Variants in SUMF1 observed in about 807,000 individuals in gnomAD.
SUMF1 encodes sulfatase modifying factor 1, also known as formylglycine-generating enzyme.
Under a neutral mutation model 47.6 loss-of-function variants are expected in SUMF1, and 48 were observed. The ratio of observed to expected loss-of-function variants is 1.01; its 90% confidence interval spans 0.80 to 1.28. The LOEUF (loss-of-function observed/expected upper bound fraction) is 1.28. SUMF1 is among the 50% of genes most tolerant of loss of function. The pLI, the probability that SUMF1 is intolerant of heterozygous loss-of-function variation, is 0.00. For missense variants in SUMF1, 571 were observed against 485.4 expected (o/e 1.18, Z -1.66); for synonymous variants, 230 against 192.1 (o/e 1.20, Z -1.63).
At chr3:4,192,715 A>T (rs1043972259) in intron 8 of SUMF1, among the ~76,000 whole-genome samples, 12 of 152,122 alleles carry the variant, frequency 7.9e-5, no homozygotes, top group African/African-American at 2.7e-4. Flanking sequence ...CAACCAGGAG[A>T]TTAAAGGGTT....
At chr3:4,283,136 G>A (rs1247931333) in intron 8 of SUMF1, among the ~76,000 whole-genome samples, 2 of 152,188 alleles carry the variant, frequency 1.3e-5, no homozygotes, top group Non-Finnish European at 2.9e-5. Context: ...AATAGCTAAG[G>A]AGAGAAGGCT....
chr3:4,254,411 G>A (rs313662), intron 8 of SUMF1, among the ~76,000 whole-genome samples: 23,975 of 149,224 alleles, frequency 0.16, 2,132 homozygotes, highest in South Asian at 0.37. Context: ...ATACAGAGAA[G>A]TGCTTAAAGG....
At chr3:4,338,574 A>G (rs904382461) in intron 8 of SUMF1, among the ~76,000 whole-genome samples, 1 of 152,194 alleles carries the variant, frequency 6.6e-6, no homozygotes, top group African/African-American at 2.4e-5. Flanking sequence ...CATTCAACCA[A>G]TGTTTTCGAG....
intron 8 of SUMF1, among the ~76,000 whole-genome samples, chr3:4,091,103 A>C (rs1454306569): frequency 1.3e-5 from 2 of 152,116 alleles, no homozygotes; most frequent in African/African-American, 4.8e-5. Context: ...CAACAAAAAA[A>C]AAAACAAAAA....
At chr3:4,275,151 G>T (rs888394813) in intron 8 of SUMF1, among the ~76,000 whole-genome samples, 1 of 152,056 alleles carries the variant, frequency 6.6e-6, no homozygotes, top group East Asian at 1.9e-4. Flanking sequence ...CCTTGGTTGC[G>T]CTATGAGAAA....
chr3:4,252,986 C>G (rs1269078180), intron 8 of SUMF1, among the ~76,000 whole-genome samples: 1 of 152,196 alleles, frequency 6.6e-6, no homozygotes, highest in Non-Finnish European at 1.5e-5. Context: ...CTTAGATCAT[C>G]TAGCTTTCAA....
At chr3:4,108,065 A>G (rs1317809524) in intron 8 of SUMF1, among the ~76,000 whole-genome samples, 1 of 152,160 alleles carries the variant, frequency 6.6e-6, no homozygotes, top group Admixed American at 6.6e-5. Context: ...CGAAGGCTAG[A>G]ACAGTGTTTT....
At chr3:4,346,469 T>C (rs1699376445) in intron 8 of SUMF1, among the ~76,000 whole-genome samples, 1 of 152,192 alleles carries the variant, frequency 6.6e-6, no homozygotes. Context: ...CAGGAAGTTC[T>C]TTGAAACCAA....
chr3:4,326,630 G>A (rs1698951956), intron 8 of SUMF1, among the ~76,000 whole-genome samples: 1 of 149,430 alleles, frequency 6.7e-6, no homozygotes, highest in African/African-American at 2.5e-5. Flanking sequence ...CAATACTCAT[G>A]CCTCAGCTTC....
rs139491782 is a variant in SUMF1, at chr3:4,453,035, A to G, written c.285T>C (p.Pro95=). ...QLAHSKMVPI[P]AGVFTMGTDD... ...CTGTGCCCATTGTAAATACTCCAGCAGGGATGGGGACCATCTACAATGAAA... is the reference window on the plus strand; with the variant it reads ...CTGTGCCCATTGTAAATACTCCAGCGGGGATGGGGACCATCTACAATGAAA... The change falls in exon 2 of 9, where the codon CCT becomes CCC. Residue 95 remains proline, a synonymous_variant. Transcript: ENST00000272902. 1.2e-6 allele frequency: 2 copies of G among 1,613,308 alleles called. No homozygotes were observed. The highest frequency in any genetic ancestry group is 1.7e-6 in the Non-Finnish European group (2 of 1,179,944).
At chr3:4,279,751 T>A (rs1177588080) in intron 8 of SUMF1, among the ~76,000 whole-genome samples, 1 of 152,132 alleles carries the variant, frequency 6.6e-6, no homozygotes, top group Non-Finnish European at 1.5e-5. Context: ...TGGAAGATAA[T>A]TTTTTAAATG....
intron 8 of SUMF1, among the ~76,000 whole-genome samples, chr3:4,153,765 G>A (rs2686698): frequency 0.73 from 109,897 of 151,132 alleles, 40,594 homozygotes; most frequent in Admixed American, 0.8. Flanking sequence ...TCTGTATGTT[G>A]TATTCAGCAA....
At chr3:4,215,811 T>C (rs1241048274) in intron 8 of SUMF1, among the ~76,000 whole-genome samples, 1 of 151,686 alleles carries the variant, frequency 6.6e-6, no homozygotes, top group Non-Finnish European at 1.5e-5. Context: ...GAGAAAAAAA[T>C]ACCTAGGAAT....
chr3:4,225,401 G>C lies in SUMF1; in HGVS notation c.1014+150929C>G, dbSNP rs149115341. On this transcript the variant is annotated intron_variant and NMD_transcript_variant, in intron 8 of 12. Transcript: ENST00000448413. ...AGTTCCACTATGACAAACTATTACTGTTTAAGCATTCATCAGGAATGAAGT... is the reference window on the plus strand; with the variant it reads ...AGTTCCACTATGACAAACTATTACTCTTTAAGCATTCATCAGGAATGAAGT... Among the ~76,000 whole-genome samples, 459 of 152,224 alleles carry C rather than the reference G, an allele frequency of 3.0e-3. 3 individuals are homozygous for C. Among genetic ancestry groups the C allele is most frequent in the African/African-American group, 0.011 (439 of 41,562 alleles).
intron 8 of SUMF1, among the ~76,000 whole-genome samples, chr3:4,215,199 C>A (rs554653590): frequency 6.6e-6 from 1 of 152,134 alleles, no homozygotes; most frequent in Non-Finnish European, 1.5e-5. Flanking sequence ...TTATCCACCA[C>A]GATCAAGTCG....
intron 3 of SUMF1, among the ~76,000 whole-genome samples, chr3:4,439,710 C>A (rs1030296717): frequency 6.6e-6 from 1 of 151,478 alleles, no homozygotes; most frequent in Non-Finnish European, 1.5e-5. Context: ...TCTTAAATTT[C>A]TTTTTATTTT....
At chr3:4,452,415 T>A (rs1389394618) in intron 2 of SUMF1, among the ~76,000 whole-genome samples, 2 of 152,332 alleles carry the variant, frequency 1.3e-5, no homozygotes, top group East Asian at 3.9e-4. Flanking sequence ...AAGCTGCACT[T>A]CTGCATTTAT....
intron 8 of SUMF1, among the ~76,000 whole-genome samples, chr3:4,196,337 C>T (rs1695428956): frequency 6.6e-6 from 1 of 152,074 alleles, no homozygotes; most frequent in Non-Finnish European, 1.5e-5. Context: ...CTACAAGTGA[C>T]CATTCAGACC....
intron 8 of SUMF1, among the ~76,000 whole-genome samples, chr3:4,086,203 C>T (rs934968929): frequency 2.0e-5 from 3 of 147,804 alleles, no homozygotes; most frequent in Non-Finnish European, 4.5e-5. Context: ...AGTGTTTATA[C>T]ACTTAGAATC....
Sources: gnomAD v4.1 joint callset for allele counts (sites outside exome capture counted in the v4.1 genomes callset) on GRCh38, gnomAD v4.1.1 for gene constraint, MANE v1.5 for transcripts, NCBI Gene and HGNC (gene_info 2026-07-23, HGNC 2026-07-21) for gene names.